The following ATP10B variants were observed in gnomAD, a reference collection of about 807,000 sequenced individuals.
The protein encoded by ATP10B is phospholipid-transporting ATPase VB.
ATP10B carries 122 observed loss-of-function variants against 141.2 expected under a neutral mutation model. The ratio of observed to expected loss-of-function variants is 0.86; its 90% CI spans 0.75 to 1.00. The LOEUF (loss-of-function observed/expected upper bound fraction) is 1.00, where lower values mean the gene tolerates loss of function less well. Ranked by LOEUF, ATP10B falls within the 50% of genes least tolerant of loss-of-function variation. The probability of loss-of-function intolerance (pLI) is 0.00; values close to 1 mark genes in which losing one functional copy is unlikely to be tolerated. For missense variants in ATP10B, 1,876 were observed against 1,825.3 expected (o/e 1.03, Z -0.51); for synonymous variants, 685 against 692.0 (o/e 0.99, Z 0.16).
intron 1 of ATP10B, among the ~76,000 whole-genome samples, chr5:160,812,877 A>G (rs1184270668): frequency 6.6e-6 from 1 of 152,226 alleles, no homozygotes; most frequent in African/African-American, 2.4e-5. Context: ...AATCTAAGGA[A>G]ACATATTAAT....
At chr5:160,598,109 T>A (rs529611880) in intron 22 of ATP10B, among the ~76,000 whole-genome samples, 3 of 149,598 alleles carry the variant, frequency 2.0e-5, no homozygotes, top group African/African-American at 7.4e-5. Flanking sequence ...GCGGCACTAC[T>A]CACAATAGCA....
intron 1 of ATP10B, among the ~76,000 whole-genome samples, chr5:160,818,156 A>C (rs1172549629): frequency 6.6e-6 from 1 of 152,194 alleles, no homozygotes; most frequent in East Asian, 1.9e-4. Context: ...AATGGGATCT[A>C]ATTAAACTAA....
intron 9 of ATP10B, 109 bp from the exon 10 acceptor site, chr5:160,640,701 C>T: frequency 7.0e-7 from 1 of 1,428,850 alleles, no homozygotes; most frequent in Non-Finnish European, 9.4e-7. Flanking sequence ...AGGCTTCACT[C>T]TTTAACCTGA....
At chr5:160,820,938 T>C (rs79357310) in intron 1 of ATP10B, among the ~76,000 whole-genome samples, 4,410 of 152,176 alleles carry the variant, frequency 0.029, 181 homozygotes, top group East Asian at 0.17. Flanking sequence ...AGGCATCATA[T>C]TGAATTGAGA....
chr5:160,586,488 T>A (rs1253703922), intron 24 of ATP10B, among the ~76,000 whole-genome samples: 1 of 152,212 alleles, frequency 6.6e-6, no homozygotes, highest in Non-Finnish European at 1.5e-5. Flanking sequence ...TTTGGGTACA[T>A]CCCCAGTAAT....
chr5:160,733,666 TA>T (rs1318841828), intron 2 of ATP10B, among the ~76,000 whole-genome samples: 2 of 4,334 alleles, frequency 4.6e-4, no homozygotes, highest in African/African-American at 5.0e-3. Flanking sequence ...TATGTAACGT[TA>T]TATATATATA....
chr5:160,643,032 G>GCTGGAGAGT (rs11282762), intron 9 of ATP10B, among the ~76,000 whole-genome samples: 115,668 of 151,382 alleles, frequency 0.76, 45,016 homozygotes, highest in Middle Eastern at 0.85. Flanking sequence ...AGTGGAGATT[G>GCTGGAGAGT]CTGGAGAGTT....
At chr5:160,771,850 T>C (rs930648499) in intron 2 of ATP10B, among the ~76,000 whole-genome samples, 2 of 152,220 alleles carry the variant, frequency 1.3e-5, no homozygotes, top group African/African-American at 4.8e-5. Context: ...TCACACATAC[T>C]GTCTCCCACT....
intron 6 of ATP10B, 63 bp downstream of exon 6, chr5:160,686,016 G>A (rs1303138433): frequency 1.1e-5 from 13 of 1,228,140 alleles, no homozygotes; most frequent in Non-Finnish European, 1.4e-5. Context: ...CTCATCCTGA[G>A]GCTATGCTGA....
chr5:160,722,286 C>T (rs1766048690), intron 2 of ATP10B, among the ~76,000 whole-genome samples: 1 of 152,148 alleles, frequency 6.6e-6, no homozygotes. Context: ...AGACTAAGAA[C>T]CACAAATTAA....
chr5:160,650,073 C>T lies in ATP10B; in HGVS notation c.676-817G>A, dbSNP rs1202305612. On this transcript the variant is annotated intron_variant, in intron 7 of 25. Coordinates refer to ENST00000327245, the MANE Select transcript of ATP10B (RefSeq NM_025153.3). ...GCAGTGAGCCAAGATCGCGCCACTG[C>T]ACTCTAGCCTGGCAGAGCAAGACTC... 2.6e-5 allele frequency among the ~76,000 whole-genome samples: 4 copies of T among 151,142 alleles called. No homozygotes were observed. In the East Asian group the frequency reaches 7.7e-4, roughly 29 times the overall value.
At chr5:160,744,203 C>T (rs1212595605) in intron 2 of ATP10B, among the ~76,000 whole-genome samples, 1 of 152,182 alleles carries the variant, frequency 6.6e-6, no homozygotes, top group Non-Finnish European at 1.5e-5. Flanking sequence ...CTTTGCAAAT[C>T]TGAGATGAGC....
chr5:160,889,912 C>T, the ATP10B span, among the ~76,000 whole-genome samples: 1 of 152,130 alleles, frequency 6.6e-6, no homozygotes, highest in Non-Finnish European at 1.5e-5. Flanking sequence ...ACACCTCCTA[C>T]CCTGAGGCCT....
intron 3 of ATP10B, among the ~76,000 whole-genome samples, chr5:160,699,849 C>T (rs768873891): frequency 2.0e-5 from 3 of 151,902 alleles, no homozygotes; most frequent in Non-Finnish European, 4.4e-5. Flanking sequence ...CAGAAAAGGG[C>T]AGAGAGATTT....
chr5:160,610,020 A>G (rs1369814430), intron 18 of ATP10B, among the ~76,000 whole-genome samples: 1 of 152,216 alleles, frequency 6.6e-6, no homozygotes, highest in Non-Finnish European at 1.5e-5. Context: ...AACATTTAGT[A>G]TACCTCCTAT....
intron 7 of ATP10B, among the ~76,000 whole-genome samples, chr5:160,667,710 T>C (rs1762407667): frequency 6.6e-6 from 1 of 152,154 alleles, no homozygotes; most frequent in Non-Finnish European, 1.5e-5. Flanking sequence ...TGAATGACCC[T>C]TTTACCTGAC....
chr5:160,631,253 T>C (rs1758919406), intron 13 of ATP10B, among the ~76,000 whole-genome samples: 1 of 152,218 alleles, frequency 6.6e-6, no homozygotes, highest in Admixed American at 6.5e-5. Flanking sequence ...TGTTTTTATG[T>C]TCCCCGGAGA....
the ATP10B span, among the ~76,000 whole-genome samples, chr5:160,918,975 C>T: frequency 4.0e-3 from 601 of 151,894 alleles, 4 homozygotes; most frequent in African/African-American, 0.014. Context: ...CCTGTAATCC[C>T]AGCACTTTGG....
chr5:160,606,981 T>C lies in ATP10B; in HGVS notation c.2944A>G (p.Thr982Ala). Reference sequence around the variant, plus strand: ...ACAGCTTCTGAGGTGATGGATGGTGTCTTGGAAGGTAAGCGGAATCCAAAG... The same window carrying C: ...ACAGCTTCTGAGGTGATGGATGGTGCCTTGGAAGGTAAGCGGAATCCAAAG... Reference protein sequence around the residue: ...KLFGFRLPSKTPSITSEAVVP... With the variant: ...KLFGFRLPSKAPSITSEAVVP... Residue 982 changes from threonine (T) to alanine (A), a missense_variant, in exon 19 of 26, where the codon ACA becomes GCA. Transcript: ENST00000327245. 1 of 1,614,152 alleles carries C rather than the reference T, an allele frequency of 6.2e-7. No homozygotes were observed.
Sources: allele counts gnomAD v4.1 joint callset (sites outside exome capture counted in the v4.1 genomes callset), GRCh38; gene constraint gnomAD v4.1.1; transcripts MANE v1.5; gene names NCBI Gene and HGNC (gene_info 2026-07-23, HGNC 2026-07-21).